PPARGC1A: variants seen among roughly 807,000 people sequenced by gnomAD.
PPARGC1A encodes the protein PPARG coactivator 1 alpha, also known as peroxisome proliferator-activated receptor gamma coactivator 1-alpha.
Under a neutral mutation model 88.7 loss-of-function variants are expected in PPARGC1A, and 25 were observed. The observed-to-expected ratio is 0.28, with a 90% CI of 0.21 to 0.39. The LOEUF (loss-of-function observed/expected upper bound fraction) is 0.39, where lower values mean the gene tolerates loss of function less well. PPARGC1A is among the 10% of genes least tolerant of loss of function. PPARGC1A has a pLI of 1.00. For missense variants in PPARGC1A, 880 were observed against 968.7 expected, an observed-to-expected ratio of 0.91 and a Z score of 1.22; for synonymous variants, 363 against 355.6, an observed-to-expected ratio of 1.02 and a Z score of -0.24.
the PPARGC1A span, among the ~76,000 whole-genome samples, chr4:24,268,631 G>C: frequency 6.6e-6 from 1 of 152,156 alleles, no homozygotes; most frequent in East Asian, 1.9e-4. Context: ...AAGGTATATA[G>C]TTTCAGTTTT....
the PPARGC1A span, among the ~76,000 whole-genome samples, chr4:24,172,096 C>T: frequency 1.3e-5 from 2 of 152,088 alleles, 1 homozygote; most frequent in South Asian, 4.2e-4. Context: ...TCTACTATGG[C>T]AAAAACTACC....
the PPARGC1A span, among the ~76,000 whole-genome samples, chr4:23,954,618 T>C: frequency 4.6e-5 from 7 of 152,062 alleles, no homozygotes; most frequent in African/African-American, 7.2e-5. Flanking sequence ...TTGATTGATA[T>C]TTGATTAAGA....
At chr4:24,194,371 C>T in the PPARGC1A span, among the ~76,000 whole-genome samples, 2 of 152,098 alleles carry the variant, frequency 1.3e-5, no homozygotes, top group East Asian at 3.9e-4. Context: ...TACCTTGATA[C>T]TTTAGCATCC....
chr4:24,468,054 A>G, the PPARGC1A span, among the ~76,000 whole-genome samples: 1 of 152,204 alleles, frequency 6.6e-6, no homozygotes, highest in East Asian at 1.9e-4. Context: ...AATTGGCTCC[A>G]TTTTTCACTT....
chr4:23,820,784 G>A (rs182735023), intron 7 of PPARGC1A: 1 of 178,814 alleles, frequency 5.6e-6, no homozygotes, highest in East Asian at 1.7e-4. Context: ...ATGGGGCAGA[G>A]GCATTATTCT....
the PPARGC1A span, among the ~76,000 whole-genome samples, chr4:23,984,409 T>A: frequency 1.3e-5 from 2 of 152,130 alleles, no homozygotes; most frequent in South Asian, 4.1e-4. Context: ...TCTACTCAAA[T>A]GTCTATTCCA....
chr4:24,127,360 C>A, the PPARGC1A span, among the ~76,000 whole-genome samples: 2 of 151,974 alleles, frequency 1.3e-5, no homozygotes, highest in Non-Finnish European at 2.9e-5. Context: ...CTTTTCACGC[C>A]ATAAGCCATA....
chr4:23,997,002 G>A, the PPARGC1A span, among the ~76,000 whole-genome samples: 2 of 152,296 alleles, frequency 1.3e-5, no homozygotes, highest in African/African-American at 4.8e-5. Flanking sequence ...AAGCTCTGTA[G>A]GAAAGATGCT....
the PPARGC1A span, among the ~76,000 whole-genome samples, chr4:24,365,495 G>A: frequency 6.6e-6 from 1 of 152,100 alleles, no homozygotes; most frequent in African/African-American, 2.4e-5. Flanking sequence ...CCAGTCATCT[G>A]CCCCTGTATT....
At chr4:24,215,945 T>C in the PPARGC1A span, among the ~76,000 whole-genome samples, 1 of 152,158 alleles carries the variant, frequency 6.6e-6, no homozygotes, top group Non-Finnish European at 1.5e-5. Context: ...TAAATAAATG[T>C]TCTAGGCATG....
the PPARGC1A span, among the ~76,000 whole-genome samples, chr4:24,125,114 T>A: frequency 6.6e-6 from 1 of 152,182 alleles, no homozygotes; most frequent in Non-Finnish European, 1.5e-5. Flanking sequence ...GATCTCAAAA[T>A]GTATTTTATG....
the PPARGC1A span, among the ~76,000 whole-genome samples, chr4:24,187,733 A>G: frequency 6.6e-6 from 1 of 152,208 alleles, no homozygotes; most frequent in Non-Finnish European, 1.5e-5. Context: ...GTCTTTATGC[A>G]ACATGGGTAA....
chr4:24,240,656 A>G, the PPARGC1A span, among the ~76,000 whole-genome samples: 1 of 152,216 alleles, frequency 6.6e-6, no homozygotes, highest in African/African-American at 2.4e-5. Flanking sequence ...ATTTCCCATT[A>G]CATGTATTTG....
the PPARGC1A span, among the ~76,000 whole-genome samples, chr4:24,227,973 C>T: frequency 2.2e-4 from 33 of 152,220 alleles, no homozygotes; most frequent in East Asian, 2.7e-3. Context: ...TTTCCCCATC[C>T]GATTATAGTG....
chr4:24,123,090 C>T, the PPARGC1A span, among the ~76,000 whole-genome samples: 1 of 152,212 alleles, frequency 6.6e-6, no homozygotes, highest in South Asian at 2.1e-4. Context: ...ACGGTAGGTC[C>T]CCACTTGTCA....
At chr4:24,276,377 T>G in the PPARGC1A span, among the ~76,000 whole-genome samples, 8 of 152,302 alleles carry the variant, frequency 5.3e-5, no homozygotes, top group Admixed American at 2.0e-4. Flanking sequence ...ACCCTCACAC[T>G]GGTGACTTCC....
intron 2 of PPARGC1A, chr4:23,881,942 C>G (rs1716021545): frequency 6.6e-6 from 1 of 152,204 alleles, no homozygotes; most frequent in African/African-American, 2.4e-5. Context: ...AAAGAGTTAT[C>G]TGGTTTCATA....
At chr4:24,333,940 C>CAACAAAAAAAA in the PPARGC1A span, among the ~76,000 whole-genome samples, 1 of 13,830 alleles carries the variant, frequency 7.2e-5, no homozygotes, top group African/African-American at 1.9e-4. Context: ...ACAACAACAA[C>CAACAAAAAAAA]AAAAAAAAAA....
chr4:24,320,919 T>C, the PPARGC1A span, among the ~76,000 whole-genome samples: 1 of 152,182 alleles, frequency 6.6e-6, no homozygotes. Context: ...TACGGTCCTC[T>C]GAAATGACTA....
Sources: gnomAD v4.1 joint callset for allele counts (sites outside exome capture counted in the v4.1 genomes callset) on GRCh38, gnomAD v4.1.1 for gene constraint, MANE v1.5 for transcripts, NCBI Gene and HGNC (gene_info 2026-07-23, HGNC 2026-07-21) for gene names.